Variants in HSPA12A observed in about 807,000 individuals in gnomAD.
The protein encoded by HSPA12A is heat shock protein family A (Hsp70) member 12A.
In HSPA12A, 28 loss-of-function variants were observed where a neutral mutation model predicts 69.2. That is an observed-to-expected ratio of 0.40 (90% CI 0.30 to 0.55). The LOEUF is 0.55. Among genes scored for constraint, HSPA12A ranks in the 20% least tolerant of loss-of-function variants. The pLI, the probability that HSPA12A is intolerant of heterozygous loss-of-function variation, is 0.38. For synonymous variants in HSPA12A, 345 were observed against 370.5 expected, an observed-to-expected ratio of 0.93 and a Z score of 0.79; for missense variants, 686 against 900.7, an observed-to-expected ratio of 0.76 and a Z score of 3.05.
intron 1 of HSPA12A, among the ~76,000 whole-genome samples, chr10:116,727,752 G>GGT (rs370722813): frequency 7.6e-6 from 1 of 131,382 alleles, no homozygotes; most frequent in Admixed American, 8.0e-5. Context: ...ATGTAAGTGG[G>GGT]TTTTTTTTTT....
intron 1 of HSPA12A, chr10:116,835,106 G>T: frequency 1.1e-6 from 1 of 886,134 alleles, no homozygotes; most frequent in Non-Finnish European, 1.5e-6. Context: ...CGTGCTGGTT[G>T]ACGGTTTGTA....
intron 8 of HSPA12A, 108 bp from the exon 9 acceptor site, chr10:116,681,364 C>T (rs1283025931): frequency 8.7e-6 from 7 of 805,454 alleles, no homozygotes; most frequent in Non-Finnish European, 1.5e-5. Flanking sequence ...CAAAACTTCT[C>T]ATTAGCACAA....
At chr10:116,808,631 T>C (rs1258451752) in intron 2 of HSPA12A, among the ~76,000 whole-genome samples, 1 of 152,162 alleles carries the variant, frequency 6.6e-6, no homozygotes, top group Admixed American at 6.5e-5. Flanking sequence ...TGCAGCTTAA[T>C]AATGCCCAGC....
chr10:116,745,078 A>G (rs782558547), upstream of HSPA12A, among the ~76,000 whole-genome samples: 2 of 152,156 alleles, frequency 1.3e-5, no homozygotes, highest in Non-Finnish European at 2.9e-5. Flanking sequence ...CTTCAAGAGA[A>G]TCAATCACGT....
intron 3 of HSPA12A, among the ~76,000 whole-genome samples, chr10:116,704,288 T>G (rs981345020): frequency 3.3e-5 from 5 of 152,036 alleles, no homozygotes; most frequent in African/African-American, 9.7e-5. Context: ...CCATAAAAAA[T>G]GATGAGTTCA....
At chr10:116,694,690 C>T (rs1208746929) in intron 5 of HSPA12A, among the ~76,000 whole-genome samples, 1 of 152,180 alleles carries the variant, frequency 6.6e-6, no homozygotes, top group Non-Finnish European at 1.5e-5. Flanking sequence ...GTGCGCTCTG[C>T]ACTCTCTGCT....
chr10:116,834,871 G>T, intron 2 of HSPA12A: 1 of 876,538 alleles, frequency 1.1e-6, no homozygotes, highest in Non-Finnish European at 1.5e-6. Context: ...CGACAGGAAT[G>T]AGGTTCTGGG....
chr10:116,793,660 A>G (rs1482910494), intron 2 of HSPA12A, among the ~76,000 whole-genome samples: 1 of 152,196 alleles, frequency 6.6e-6, no homozygotes, highest in African/African-American at 2.4e-5. Context: ...AGAATGAAAT[A>G]AAATTGTTCT....
At chr10:116,794,258 T>C (rs1032618201) in intron 2 of HSPA12A, among the ~76,000 whole-genome samples, 14 of 152,070 alleles carry the variant, frequency 9.2e-5, no homozygotes, top group African/African-American at 3.4e-4. Flanking sequence ...CAAATGCTCC[T>C]GGTAAAAGAT....
At chr10:116,761,837 G>T (rs782167170) in intron 2 of HSPA12A, among the ~76,000 whole-genome samples, 1 of 151,904 alleles carries the variant, frequency 6.6e-6, no homozygotes, top group Non-Finnish European at 1.5e-5. Flanking sequence ...AAAATGAGAG[G>T]TAGGGGAGGG....
At chr10:116,728,390 C>T (rs1554885318) in intron 1 of HSPA12A, among the ~76,000 whole-genome samples, 2 of 152,244 alleles carry the variant, frequency 1.3e-5, no homozygotes, top group East Asian at 3.9e-4. Context: ...GCATCTGTAC[C>T]TGGAGACAGG....
chr10:116,728,886 C>G (rs1851062827), intron 1 of HSPA12A, among the ~76,000 whole-genome samples: 1 of 152,200 alleles, frequency 6.6e-6, no homozygotes, highest in African/African-American at 2.4e-5. Flanking sequence ...GTGCGGGGAG[C>G]CTTCCAGGAT....
intron 5 of HSPA12A, 121 bp from the exon 6 acceptor site, chr10:116,692,588 C>T (rs2240710): frequency 2.8e-6 from 2 of 711,504 alleles, no homozygotes; most frequent in Non-Finnish European, 4.9e-6. Flanking sequence ...GTTTCAGGGT[C>T]CCCCAAACTT....
chr10:116,760,357 G>A (rs1554889166), intron 2 of HSPA12A, among the ~76,000 whole-genome samples: 1 of 151,934 alleles, frequency 6.6e-6, no homozygotes, highest in Non-Finnish European at 1.5e-5. Flanking sequence ...TCCCAGGCTG[G>A]TAGCAGCCTA....
chr10:116,753,844 T>C (rs1242021876), intron 2 of HSPA12A, among the ~76,000 whole-genome samples: 1 of 152,128 alleles, frequency 6.6e-6, no homozygotes, highest in Non-Finnish European at 1.5e-5. Context: ...CACTCCAGGA[T>C]AGAGAAAGGA....
chr10:116,848,963 G>C (rs1240708301), intron 1 of HSPA12A, among the ~76,000 whole-genome samples: 5 of 152,190 alleles, frequency 3.3e-5, no homozygotes, highest in African/African-American at 7.2e-5. Flanking sequence ...GCCAGCACAC[G>C]GCTCGGCTCA....
At chr10:116,798,513 T>C (rs897030097) in intron 2 of HSPA12A, among the ~76,000 whole-genome samples, 12 of 151,898 alleles carry the variant, frequency 7.9e-5, no homozygotes, top group Non-Finnish European at 1.8e-4. Flanking sequence ...TCAGACAAAA[T>C]CTTACACGGA....
chr10:116,726,442 T>TC (rs1850965815), intron 1 of HSPA12A, among the ~76,000 whole-genome samples: 1 of 151,460 alleles, frequency 6.6e-6, no homozygotes, highest in Non-Finnish European at 1.5e-5. Flanking sequence ...CCCAGCAGCC[T>TC]CCCCCGAGAC....
chr10:116,696,852 G>C (rs1290763128), intron 5 of HSPA12A, among the ~76,000 whole-genome samples: 1 of 152,068 alleles, frequency 6.6e-6, no homozygotes, highest in African/African-American at 2.4e-5. Context: ...AGCTGAGCCT[G>C]TGCCATTCCA....
Sources: allele counts gnomAD v4.1 joint callset (sites outside exome capture counted in the v4.1 genomes callset), GRCh38; gene constraint gnomAD v4.1.1; transcripts MANE v1.5; gene names NCBI Gene and HGNC (gene_info 2026-07-23, HGNC 2026-07-21).